The following PATE4 variants were observed in gnomAD, a reference collection of about 807,000 sequenced individuals.
The protein encoded by PATE4 is prostate and testis expressed protein 4.
PATE4 carries 13 observed loss-of-function variants against 8.5 expected under a neutral mutation model. The observed-to-expected ratio is 1.53, with a 90% CI of 1.00 to 2.43. The LOEUF (loss-of-function observed/expected upper bound fraction) is 2.43, where lower values mean the gene tolerates loss of function less well. PATE4 is among the 30% of genes most tolerant of loss of function. The pLI is 0.00. For missense variants in PATE4, 127 were observed against 115.5 expected, an observed-to-expected ratio of 1.10 and a Z score of -0.46; for synonymous variants, 47 against 39.3, an observed-to-expected ratio of 1.20 and a Z score of -0.73.
chr11:125,836,059 C>T (rs1943917432), intron 1 of PATE4, among the ~76,000 whole-genome samples: 1 of 151,332 alleles, frequency 6.6e-6, no homozygotes, highest in Non-Finnish European at 1.5e-5. Flanking sequence ...ATTATTATTG[C>T]ATGGCACTCA....
In PATE4 at chr11:125,837,914, G is replaced by A; in HGVS notation, c.105G>A (p.Lys35=). 6.4e-7 allele frequency: 1 copy of A among 1,551,630 alleles called. No homozygotes were observed. The change falls in exon 2 of 3, where the codon AAG becomes AAA. Residue 35 remains lysine, a synonymous_variant. Transcript: ENST00000457514. The part of the protein sequence containing the change: ...CNTCIYTEGW[K]CMAGRGTCIA... Reference sequence around the variant, plus strand: ...CCTGCATATACACAGAAGGATGGAAGTGTATGGCAGGCCGAGGCACTTGCA... The same window carrying A: ...CCTGCATATACACAGAAGGATGGAAATGTATGGCAGGCCGAGGCACTTGCA...
rs1200206749 is a variant in PATE4, at chr11:125,837,935, T to C, written c.126T>C (p.Thr42=). The change falls in exon 2 of 3, where the codon ACT becomes ACC. Residue 42 remains threonine (T), a synonymous_variant. Transcript: ENST00000457514. ...EGWKCMAGRG[T]CIAKENELCS... ...GGAAGTGTATGGCAGGCCGAGGCAC[T>C]TGCATTGCAAAAGAAAATGAGTTAT... 7.7e-6 allele frequency: 12 copies of C among 1,551,546 alleles called. No individual in the cohort carries two copies. The East Asian group carries it at 2.2e-4, about 28-fold the overall frequency.
Position 125,837,850 on chromosome 11 carries a change from A to G in PATE4, c.59-18A>G, listed in dbSNP as rs776499798. Reference sequence around the variant, plus strand: ...TCCCACAATCCAGCCTGAATATTCTATTCTCTCCACCCTGCAGTTATGGGT... The same window carrying G: ...TCCCACAATCCAGCCTGAATATTCTGTTCTCTCCACCCTGCAGTTATGGGT... On this transcript the variant is annotated intron_variant, in intron 1 of 2. Transcript: ENST00000457514. 3.1e-5 allele frequency: 47 copies of G among 1,527,032 alleles called. No individual in the cohort carries two copies. The highest frequency in any genetic ancestry group is 4.1e-5 in the African/African-American group (3 of 72,472). 94.6% of individuals were successfully genotyped at this position (1,527,032 alleles called of 1,614,324 possible).
At chr11:125,834,865 A>C (rs796315544) in intron 1 of PATE4, 32 of 152,358 alleles carry the variant, frequency 2.1e-4, no homozygotes, top group African/African-American at 7.2e-4. Context: ...CAAAGTGCAG[A>C]GTATGCATAG....
At position 125,834,787 on chromosome 11, in the gene PATE4, G is replaced by A. The variant is rs1376870783; in HGVS notation, c.58+1370G>A. On this transcript the variant is annotated intron_variant, in intron 1 of 2. Transcript: ENST00000457514. ...ATAACTTAAATTCTCATAAGAGACT[G>A]GTTAATTAAAGCATGGTACAGCACT... Among the ~76,000 whole-genome samples the A allele has an allele frequency of 2.0e-5, 3 of 152,006 alleles. No homozygotes were observed. In the East Asian group the frequency reaches 5.8e-4, roughly 29 times the overall value.
rs1355720475 is a variant in PATE4 at position 125,838,332 on chromosome 11, A to T, written c.202A>T (p.Met68Leu). 2 of 1,550,880 alleles carry T rather than the reference A, an allele frequency of 1.3e-6. No individual in the cohort carries two copies. The highest frequency in any genetic ancestry group is 1.7e-6 in the Non-Finnish European group (2 of 1,146,678). The stretch of plus-strand genomic sequence containing the variant: ...AGACAAACATATGTACTCAACACAT[A>T]TGTGTAAGTATAAGTGCCGGGAAGA... ...RGDKHMYSTH[M>L]CKYKCREEES... The change falls in exon 3 of 3, where the codon ATG (methionine) becomes TTG (leucine). Residue 68 changes from methionine (M) to leucine (L), a missense_variant. Transcript: ENST00000457514.
intron 1 of PATE4, among the ~76,000 whole-genome samples, chr11:125,833,797 C>A (rs1399447178): frequency 6.6e-6 from 1 of 152,116 alleles, no homozygotes; most frequent in Admixed American, 6.6e-5. Flanking sequence ...CACTGGGATA[C>A]CTTAAGGCTT....
In PATE4 at chr11:125,837,866, A is replaced by T. The variant is rs11220236; in HGVS notation, c.59-2A>T. On this transcript the variant is annotated splice_acceptor_variant, in intron 1 of 2. Transcript: ENST00000457514. LOFTEE classifies it high-confidence loss of function. ...GAATATTCTATTCTCTCCACCCTGC[A>T]GTTATGGGTCTGAAGTGTAATACCT... 1 of 1,545,920 alleles carries T rather than the reference A, an allele frequency of 6.5e-7. No individual in the cohort carries two copies. The highest frequency in any genetic ancestry group is 2.0e-5 in the Admixed American group (1 of 50,852).
rs2134201747 is a variant in PATE4 at position 125,838,378 on chromosome 11, T to C, written c.248T>C (p.Leu83Pro). 1 of 1,551,556 alleles carries C rather than the reference T, an allele frequency of 6.4e-7. No individual in the cohort carries two copies. Among genetic ancestry groups the C allele is most frequent in the East Asian group, 2.4e-5 (1 of 40,924 alleles). The change falls in exon 3 of 3, where the codon CTG (leucine) becomes CCG (proline). Residue 83 changes from leucine to proline, a missense_variant. Transcript: ENST00000457514. ...CREEESSKRG[L>P]LRVTLCCDRN... ...GAAGAGGAGTCCTCCAAAAGAGGCC[T>C]GTTGAGAGTGACACTGTGCTGTGAC... is the stretch of plus-strand genomic sequence containing the variant.
rs529218291 is a variant in PATE4 at position 125,834,578 on chromosome 11, T to C, written c.58+1161T>C. Among the ~76,000 whole-genome samples the C allele has an allele frequency of 3.3e-5, 5 of 152,268 alleles. No individual in the cohort carries two copies. The East Asian group carries it at 9.6e-4, about 29-fold the overall frequency. ...GGTGAGACAAGAATTTTCCAAGCAT[T>C]GATAGCAACAGAATAGTTACATCTC... is the stretch of plus-strand genomic sequence containing the variant. On this transcript the variant is annotated intron_variant, in intron 1 of 2. Transcript: ENST00000457514.
At position 125,838,644 on chromosome 11, in the gene PATE4, G is replaced by A; in HGVS notation, c.*217G>A. ...AGCATTGAAACAAAATCCTCCATGA[G>A]CTATGCTTATTCTTTTGTCTTCTAC... On this transcript the variant is annotated 3_prime_UTR_variant, in exon 3 of 3. Transcript: ENST00000457514. 2.1e-6 allele frequency: 1 copy of A among 467,784 alleles called. No individual in the cohort carries two copies. The highest frequency in any genetic ancestry group is 3.7e-6 in the Non-Finnish European group (1 of 270,528). 29.0% of individuals were successfully genotyped at this position (467,784 alleles called of 1,614,324 possible).
At chr11:125,836,658 C>T (rs1333712483) in intron 1 of PATE4, among the ~76,000 whole-genome samples, 2 of 139,240 alleles carry the variant, frequency 1.4e-5, no homozygotes, top group African/African-American at 5.3e-5. Flanking sequence ...GTTAGTTCTT[C>T]CCTCTTAAAT....
Position 125,836,440 on chromosome 11 carries a change from C to A in PATE4, c.59-1428C>A, listed in dbSNP as rs559080151. On this transcript the variant is annotated intron_variant, in intron 1 of 2. Transcript: ENST00000457514. ...TCACCTGACCAGCCATGTCTCATAG[C>A]ACAACCCACTCCATTCTGTGCCCCG... 4.0e-4 allele frequency among the ~76,000 whole-genome samples: 61 copies of A among 152,294 alleles called. No homozygotes were observed. The South Asian group carries it at 0.013, about 32-fold the overall frequency.
In PATE4 at chr11:125,839,236, G is replaced by C. The variant is rs1943942593; in HGVS notation, c.*809G>C. ...TAAACTTCTAGGAATTCAAATCATT[G>C]GTAAGCCTGAGTACCCAGGGGCCAG... On this transcript the variant is annotated 3_prime_UTR_variant, in exon 3 of 3. Transcript: ENST00000457514. 6.6e-6 allele frequency: 1 copy of C among 152,128 alleles called. No individual in the cohort carries two copies. Among genetic ancestry groups the C allele is most frequent in the Non-Finnish European group, 1.5e-5 (1 of 68,036 alleles). 9.4% of individuals were successfully genotyped at this position (152,128 alleles called of 1,614,324 possible). A position where few individuals can be genotyped will look rare whatever the true frequency, so the allele number is the denominator to read the frequency against.
chr11:125,837,872 G>A lies in PATE4; in HGVS notation c.63G>A (p.Met21Ile). The change falls in exon 2 of 3, where the codon ATG becomes ATA. Residue 21 changes from methionine (M) to isoleucine (I), a missense_variant. Coordinates refer to ENST00000457514, the MANE Select transcript of PATE4 (RefSeq NM_001144874.1). ...TCTATTCTCTCCACCCTGCAGTTAT[G>A]GGTCTGAAGTGTAATACCTGCATAT... ...SLSFLYLKEV[M>I]GLKCNTCIYT... 1.3e-6 allele frequency: 2 copies of A among 1,548,962 alleles called. No homozygotes were observed. Among genetic ancestry groups the A allele is most frequent in the Non-Finnish European group, 1.7e-6 (2 of 1,144,824 alleles).
In PATE4 at chr11:125,838,454, A is replaced by T. The variant is rs1238678677; in HGVS notation, c.*27A>T. On this transcript the variant is annotated 3_prime_UTR_variant, in exon 3 of 3. Coordinates refer to ENST00000457514, the MANE Select transcript of PATE4 (RefSeq NM_001144874.1). The stretch of plus-strand genomic sequence containing the variant: ...GGAGCTTAGGAACTTGCAGAGGATC[A>T]TCTGATCAAGATCCAGAATCAAGAC... The T allele has an allele frequency of 1.3e-6, 2 of 1,526,584 alleles. No individual in the cohort carries two copies. Among genetic ancestry groups the T allele is most frequent in the Non-Finnish European group, 1.8e-6 (2 of 1,139,714 alleles). 94.6% of individuals were successfully genotyped at this position (1,526,584 alleles called of 1,614,324 possible). A position where few individuals can be genotyped will look rare whatever the true frequency, so the allele number is the denominator to read the frequency against.
chr11:125,834,176 A>T (rs1943905340), intron 1 of PATE4, among the ~76,000 whole-genome samples: 1 of 152,214 alleles, frequency 6.6e-6, no homozygotes, highest in Non-Finnish European at 1.5e-5. Context: ...AATGAGAAAG[A>T]CCTTTCTAAC....
In PATE4 at chr11:125,838,637, T is replaced by G. The variant is rs953749986; in HGVS notation, c.*210T>G. ...AATCATGAGCATTGAAACAAAATCC[T>G]CCATGAGCTATGCTTATTCTTTTGT... On this transcript the variant is annotated 3_prime_UTR_variant, in exon 3 of 3. Coordinates refer to ENST00000457514, the MANE Select transcript of PATE4 (RefSeq NM_001144874.1). 4 of 492,564 alleles carry G rather than the reference T, an allele frequency of 8.1e-6. No individual in the cohort carries two copies. In the Admixed American group the frequency reaches 1.1e-4, roughly 14 times the overall value. The allele number at this position is 492,564 out of a possible 1,614,324, so 30.5% of individuals were successfully genotyped here.
At chr11:125,837,022 A>G (rs1356529031) in intron 1 of PATE4, among the ~76,000 whole-genome samples, 1 of 152,228 alleles carries the variant, frequency 6.6e-6, no homozygotes, top group African/African-American at 2.4e-5. Flanking sequence ...TGGAATTTAG[A>G]ATGAAGAGAT....
Sources: allele counts gnomAD v4.1 joint callset (sites outside exome capture counted in the v4.1 genomes callset), GRCh38; gene constraint gnomAD v4.1.1; transcripts MANE v1.5; gene names NCBI Gene and HGNC (gene_info 2026-07-23, HGNC 2026-07-21).